ANKHD1: variants seen among roughly 807,000 people sequenced by gnomAD.
The protein encoded by ANKHD1 is ankyrin repeat and KH domain-containing protein 1.
ANKHD1 carries 31 observed loss-of-function variants against 230.5 expected under a neutral mutation model. The ratio of observed to expected loss-of-function variants is 0.13; its 90% confidence interval spans 0.10 to 0.18. The LOEUF (loss-of-function observed/expected upper bound fraction) is 0.18, where lower values mean the gene tolerates loss of function less well. Ranked by LOEUF, ANKHD1 falls within the 10% of genes least tolerant of loss-of-function variation. The probability of loss-of-function intolerance (pLI) is 1.00; values close to 1 mark genes in which losing one functional copy is unlikely to be tolerated. For missense variants in ANKHD1, 2,256 were observed against 3,071.3 expected (o/e 0.73, Z 6.27); for synonymous variants, 1,074 against 1,117.6 (o/e 0.96, Z 0.78).
chr5:140,460,666 G>A (rs1409165427), intron 9 of ANKHD1, among the ~76,000 whole-genome samples: 3 of 151,958 alleles, frequency 2.0e-5, no homozygotes, highest in African/African-American at 4.8e-5. Flanking sequence ...GACTATAGGC[G>A]CATACCACTA....
rs777952394 is a variant in ANKHD1 at position 140,529,647 on chromosome 5, C to T, written c.6701C>T (p.Ser2234Phe). The T allele has an allele frequency of 5.0e-6, 8 of 1,614,210 alleles. No homozygotes were observed. In the Middle Eastern group the frequency reaches 9.9e-4, roughly 200 times the overall value. ...CAGGGCTGGGGAGATGGTCCACTGT[C>T]CTCACGAGTTGCTACAGATGCCTCT... ...ANQGWGDGPL[S>F]SRVATDASFT... The change falls in exon 29 of 34, where the codon TCC (serine) becomes TTC (phenylalanine). Residue 2234 changes from serine to phenylalanine, a missense_variant. Transcript: ENST00000360839.
chr5:140,402,410 C>T, intron 1 of ANKHD1, 137 bp downstream of exon 1: 1 of 1,245,460 alleles, frequency 8.0e-7, no homozygotes, highest in Non-Finnish European at 1.0e-6. Context: ...GCGGCGGTGG[C>T]CGCGGTGAGG....
At chr5:140,464,524 T>C (rs1362367882) in intron 9 of ANKHD1, 143 bp from the exon 10 acceptor site, 9 of 612,106 alleles carry the variant, frequency 1.5e-5, no homozygotes, top group Non-Finnish European at 2.5e-6. Flanking sequence ...TTATAAAGCA[T>C]ATTTAAAGGA....
intron 5 of ANKHD1, among the ~76,000 whole-genome samples, chr5:140,441,387 C>A (rs925012993): frequency 6.6e-6 from 1 of 152,092 alleles, no homozygotes; most frequent in Non-Finnish European, 1.5e-5. Flanking sequence ...ATTATTCAGA[C>A]TTAAAAAAGG....
At chr5:140,499,813 A>T (rs1168594647) in intron 15 of ANKHD1, among the ~76,000 whole-genome samples, 1 of 152,128 alleles carries the variant, frequency 6.6e-6, no homozygotes, top group Non-Finnish European at 1.5e-5. Context: ...AATTTAAAGA[A>T]ATTCAAAATA....
At chr5:140,450,234 G>A (rs1270735787) in intron 7 of ANKHD1, among the ~76,000 whole-genome samples, 2 of 151,764 alleles carry the variant, frequency 1.3e-5, no homozygotes, top group African/African-American at 4.8e-5. Flanking sequence ...GTTGACTATT[G>A]CTGTTTAGCG....
intron 1 of ANKHD1, 47 bp from the exon 2 acceptor site, chr5:140,436,057 A>G (rs984827633): frequency 4.2e-6 from 6 of 1,436,374 alleles, no homozygotes; most frequent in Non-Finnish European, 5.5e-6. Context: ...TATTCTAATC[A>G]TATTGATATC....
intron 10 of ANKHD1, 123 bp downstream of exon 10, chr5:140,464,899 G>A: frequency 1.0e-6 from 1 of 989,134 alleles, no homozygotes; most frequent in Non-Finnish European, 1.4e-6. Flanking sequence ...AAAAAAGCTT[G>A]GCTACCTGTT....
rs770537102 is a variant in ANKHD1 at position 140,535,380 on chromosome 5, C to T, written c.6869C>T (p.Pro2290Leu). The T allele has an allele frequency of 3.7e-6, 6 of 1,609,366 alleles. No individual in the cohort carries two copies. Among genetic ancestry groups the T allele is most frequent in the South Asian group, 1.1e-5 (1 of 90,316 alleles). ...TSPVGLPSID[P>L]SGSSPSSSSA... ...ATTTCAGGGTTACCATCCATTGACC[C>T]ATCAGGCAGCTCCCCATCTTCCTCT... The change falls in exon 30 of 34, where the codon CCA becomes CTA. Residue 2290 changes from proline (P) to leucine (L), a missense_variant. Around this residue, in one of 13 missense-constraint regions of ANKHD1, gnomAD observed 778 missense variants for 966.5 expected, o/e 0.80. Transcript: ENST00000360839.
intron 1 of ANKHD1, among the ~76,000 whole-genome samples, chr5:140,424,498 A>T (rs1454120297): frequency 6.6e-6 from 1 of 152,160 alleles, no homozygotes; most frequent in Non-Finnish European, 1.5e-5. Flanking sequence ...ATGTTCAAAA[A>T]CTACAGCAAT....
intron 10 of ANKHD1, among the ~76,000 whole-genome samples, chr5:140,470,609 T>C (rs1776418552): frequency 7.1e-6 from 1 of 141,600 alleles, no homozygotes; most frequent in Non-Finnish European, 1.6e-5. Context: ...TACTTGTTTC[T>C]GCTTTTTTTT....
At chr5:140,491,225 G>A (rs1400939075) in intron 14 of ANKHD1, among the ~76,000 whole-genome samples, 1 of 136,732 alleles carries the variant, frequency 7.3e-6, no homozygotes, top group African/African-American at 2.8e-5. Context: ...GTACAGTGGC[G>A]CAGTCTCAGC....
chr5:140,526,923 C>T lies in ANKHD1; in HGVS notation c.4941-5C>T. Reference sequence around the variant, plus strand: ...TTATTGTACTTGCTATTTGTCTCTTCTTAGACTTGAAGGTGAAGTGACTCC... The same window carrying T: ...TTATTGTACTTGCTATTTGTCTCTTTTTAGACTTGAAGGTGAAGTGACTCC... On this transcript the variant is annotated splice_region_variant and splice_polypyrimidine_tract_variant and intron_variant, in intron 26 of 33. Coordinates refer to ENST00000360839, the MANE Select transcript of ANKHD1 (RefSeq NM_017747.3). 3.1e-6 allele frequency: 5 copies of T among 1,606,960 alleles called. No individual in the cohort carries two copies. The highest frequency in any genetic ancestry group is 4.2e-6 in the Non-Finnish European group (5 of 1,177,766).
chr5:140,402,088 A>G lies in ANKHD1; in HGVS notation c.121A>G (p.Ile41Val). The change falls in exon 1 of 34, where the codon ATC becomes GTC. Residue 41 changes from isoleucine to valine, a missense_variant. By Grantham distance (29) the Ile-to-Val change is conservative. Coordinates refer to ENST00000360839, the MANE Select transcript of ANKHD1 (RefSeq NM_017747.3). ...PPPPGGVGLG[I>V]RTVRLFGEAG... ...TCCGCCGGGAGGGGTCGGTCTGGGG[A>G]TCCGCACCGTGAGGCTCTTTGGGGA... 1 of 1,517,032 alleles carries G rather than the reference A, an allele frequency of 6.6e-7. No homozygotes were observed. The highest frequency in any genetic ancestry group is 1.3e-5 in the South Asian group (1 of 78,242). 94.0% of individuals were successfully genotyped at this position (1,517,032 alleles called of 1,614,324 possible).
At chr5:140,413,125 A>G (rs1020985730) in intron 1 of ANKHD1, among the ~76,000 whole-genome samples, 18 of 152,220 alleles carry the variant, frequency 1.2e-4, no homozygotes, top group African/African-American at 4.3e-4. Flanking sequence ...CCAACTAAGA[A>G]CCAAAGAGTT....
At chr5:140,439,610 C>T (rs1347695780) in intron 3 of ANKHD1, among the ~76,000 whole-genome samples, 3 of 152,042 alleles carry the variant, frequency 2.0e-5, no homozygotes, top group Non-Finnish European at 2.9e-5. Context: ...GTGGAGGTTG[C>T]AGTGAGCCAA....
At chr5:140,432,883 T>C (rs891352798) in intron 1 of ANKHD1, among the ~76,000 whole-genome samples, 2 of 152,102 alleles carry the variant, frequency 1.3e-5, no homozygotes, top group Non-Finnish European at 2.9e-5. Context: ...TTAAAATTTT[T>C]TGTAGAGACA....
At chr5:140,438,969 G>A (rs762148467) in intron 3 of ANKHD1, among the ~76,000 whole-genome samples, 75 of 152,234 alleles carry the variant, frequency 4.9e-4, no homozygotes, top group Non-Finnish European at 1.0e-3. Context: ...TACATGAAAC[G>A]AGTTACTAAT....
At chr5:140,480,613 G>A (rs79460904) in intron 10 of ANKHD1, among the ~76,000 whole-genome samples, 8,278 of 152,108 alleles carry the variant, frequency 0.054, 286 homozygotes, top group Middle Eastern at 0.11. Flanking sequence ...CATATCAGTT[G>A]CAGATAATCA....
Sources: gnomAD v4.1 joint callset for allele counts (sites outside exome capture counted in the v4.1 genomes callset) on GRCh38, gnomAD v4.1.1 for gene constraint, gnomAD v4.1.1 regional missense constraint, MANE v1.5 for transcripts, NCBI Gene and HGNC (gene_info 2026-07-23, HGNC 2026-07-21) for gene names.